Variants in SBNO2 observed in about 807,000 individuals in gnomAD.
SBNO2 encodes the protein strawberry notch homolog 2.
In SBNO2, 89 loss-of-function variants were observed where a neutral mutation model predicts 146.3. That is an observed-to-expected ratio of 0.61 (90% confidence interval 0.51 to 0.73). The LOEUF is 0.73. Among genes scored for constraint, SBNO2 ranks in the 30% least tolerant of loss-of-function variants. SBNO2 has a pLI of 0.00. For missense variants in SBNO2, 2,092 were observed against 2,003.7 expected, an observed-to-expected ratio of 1.04 and a Z score of -0.84; for synonymous variants, 1,147 against 892.6, an observed-to-expected ratio of 1.29 and a Z score of -5.08.
At chr19:1,123,153 A>C in intron 7 of SBNO2, 108 bp from the exon 8 acceptor site, 4 of 1,297,338 alleles carry the variant, frequency 3.1e-6, no homozygotes, top group Non-Finnish European at 4.2e-6. Flanking sequence ...CTGGCGGGGC[A>C]GTTTGGGGGC....
At chr19:1,152,861 C>A (rs1000118111) in intron 2 of SBNO2, among the ~76,000 whole-genome samples, 1 of 152,154 alleles carries the variant, frequency 6.6e-6, no homozygotes, top group Non-Finnish European at 1.5e-5. Context: ...CCAGGTAAAT[C>A]CCCAGGCAGG....
rs2079732154 is a variant in SBNO2 at position 1,109,766 on chromosome 19, C to A, written c.3040G>T (p.Gly1014Cys). The change falls in exon 27 of 32, where the codon GGT (glycine) becomes TGT (cysteine). Residue 1014 changes from glycine (G) to cysteine (C), a missense_variant. Physicochemically the swap from Gly to Cys is radical, Grantham distance 159. Coordinates refer to ENST00000361757, the MANE Select transcript of SBNO2 (RefSeq NM_014963.3). The surrounding 1 kb of genome is among the most constrained non-coding windows in gnomAD (Gnocchi z 4.2). Reference protein sequence around the residue: ...YDMGILDLAPGIEEIYEESQQ... With the variant: ...YDMGILDLAPCIEEIYEESQQ... ...CTCTCCTCGTAGATCTCCTCGATAC[C>A]GGGAGCAAGGTCTAGGGGGGCGGGT... 2 of 1,583,468 alleles carry A rather than the reference C, an allele frequency of 1.3e-6. No homozygotes were observed. The highest frequency in any genetic ancestry group is 8.6e-7 in the Non-Finnish European group (1 of 1,161,246).
intron 3 of SBNO2, among the ~76,000 whole-genome samples, chr19:1,148,193 G>A (rs905520062): frequency 1.3e-5 from 2 of 151,966 alleles, no homozygotes; most frequent in Non-Finnish European, 2.9e-5. Flanking sequence ...GCCTTGGGTT[G>A]GAGGCGGCCC....
Position 1,114,342 on chromosome 19 carries a change from T to C in SBNO2, c.1966A>G (p.Ser656Gly). The C allele has an allele frequency of 6.4e-7, 1 of 1,557,406 alleles. No homozygotes were observed. Among genetic ancestry groups the C allele is most frequent in the East Asian group, 2.4e-5 (1 of 41,370 alleles). ...TCCAGGCCAGGGTCCGACTCCGTGC[T>C]GCTGTCGTCACTGATGCGGATGACG... Reference protein sequence around the residue: ...AGVIRISDDSSTESDPGLDSD... With the variant: ...AGVIRISDDSGTESDPGLDSD... Residue 656 changes from serine to glycine, a missense_variant, in exon 18 of 32, where the codon AGC becomes GGC. Transcript: ENST00000361757.
At chr19:1,169,633 A>T (rs1599890760) in intron 1 of SBNO2, among the ~76,000 whole-genome samples, 1 of 152,202 alleles carries the variant, frequency 6.6e-6, no homozygotes, top group East Asian at 1.9e-4. Flanking sequence ...ACGGGTTGAG[A>T]CAGGACAGCT....
intron 4 of SBNO2, among the ~76,000 whole-genome samples, chr19:1,146,886 A>T (rs1481754102): frequency 6.6e-6 from 1 of 151,714 alleles, no homozygotes; most frequent in Non-Finnish European, 1.5e-5. Context: ...GGAGGTGGAA[A>T]GTTCTGTTCC....
chr19:1,132,721 C>T (rs564066911), intron 4 of SBNO2, among the ~76,000 whole-genome samples: 1 of 152,304 alleles, frequency 6.6e-6, no homozygotes, highest in African/African-American at 2.4e-5. Context: ...AAGCCCCTGC[C>T]GCCGAAGCAA....
chr19:1,146,419 C>G (rs935907680), intron 4 of SBNO2, among the ~76,000 whole-genome samples: 2 of 152,182 alleles, frequency 1.3e-5, no homozygotes, highest in Non-Finnish European at 2.9e-5. Context: ...CACACCTGAC[C>G]GCTTCTCTCT....
intron 2 of SBNO2, among the ~76,000 whole-genome samples, chr19:1,151,689 G>A (rs2080243781): frequency 6.6e-6 from 1 of 152,088 alleles, no homozygotes; most frequent in South Asian, 2.1e-4. Flanking sequence ...TTGAGACGGA[G>A]TCTCACTCTG....
In SBNO2 at chr19:1,147,440, GGGGA is replaced by G; in HGVS notation, c.168-24_168-21del. 2 of 1,241,420 alleles carry G rather than the reference GGGGA, an allele frequency of 1.6e-6. No homozygotes were observed. Among genetic ancestry groups the G allele is most frequent in the Non-Finnish European group, 2.2e-6 (2 of 900,904 alleles). 76.9% of individuals were successfully genotyped at this position (1,241,420 alleles called of 1,614,324 possible). On this transcript the variant is annotated intron_variant, in intron 3 of 31. Coordinates refer to ENST00000361757, the MANE Select transcript of SBNO2 (RefSeq NM_014963.3). ...AACGGGCTGGAGGGAGATGGGGGGGGGGGAGGTGAGATGGGGTGCTCAACCCACT... is the reference window on the plus strand; with the variant it reads ...AACGGGCTGGAGGGAGATGGGGGGGGGGTGAGATGGGGTGCTCAACCCACT...
chr19:1,112,864 T>TCGATGGACAGACCCTGCTCTGC lies in SBNO2; in HGVS notation c.2311_2332dup (p.Asp778GlyfsTer121). On this transcript the variant is annotated frameshift_variant, in exon 20 of 32. Transcript: ENST00000361757. LOFTEE classifies it high-confidence loss of function. This position sits in a 1 kb window ranked among gnomAD's most constrained non-coding sequence, Gnocchi z 5.9. ...CTGCTTCTCCCTGAGGTTCACGTGG[T>TCGATGGACAGACCCTGCTCTGC]CGATGGACAGACCCTGCTCTGCCCG... 6.3e-7 allele frequency: 1 copy of TCGATGGACAGACCCTGCTCTGC among 1,575,882 alleles called. No individual in the cohort carries two copies. The highest frequency in any genetic ancestry group is 8.6e-7 in the Non-Finnish European group (1 of 1,162,432).
At chr19:1,167,262 C>A (rs766970984) in intron 1 of SBNO2, among the ~76,000 whole-genome samples, 1 of 152,266 alleles carries the variant, frequency 6.6e-6, no homozygotes, top group East Asian at 1.9e-4. Flanking sequence ...TTCGCCAGTG[C>A]GGCCTGATCC....
chr19:1,134,543 A>G (rs1240299281), intron 4 of SBNO2, among the ~76,000 whole-genome samples: 2 of 150,170 alleles, frequency 1.3e-5, no homozygotes, highest in African/African-American at 5.0e-5. Flanking sequence ...CGCCAAACAC[A>G]GAAGGCCACG....
At chr19:1,122,594 C>A (rs765035337) in intron 9 of SBNO2, 36 bp from the exon 10 acceptor site, 1 of 1,425,054 alleles carries the variant, frequency 7.0e-7, no homozygotes, top group East Asian at 2.5e-5. Context: ...CCCACCCTTC[C>A]CCCTCGCCCC....
intron 13 of SBNO2, 74 bp downstream of exon 13, chr19:1,119,442 G>T: frequency 8.2e-7 from 1 of 1,214,484 alleles, no homozygotes; most frequent in Non-Finnish European, 1.2e-6. Flanking sequence ...GCAGTGCCAG[G>T]CCTTGGGCTG....
At chr19:1,135,542 A>T (rs535062578) in intron 4 of SBNO2, among the ~76,000 whole-genome samples, 5 of 152,234 alleles carry the variant, frequency 3.3e-5, no homozygotes, top group African/African-American at 1.2e-4. Flanking sequence ...CCGCCTAGGG[A>T]CCTGCTGGGC....
chr19:1,133,415 G>T (rs2080053845), intron 4 of SBNO2, among the ~76,000 whole-genome samples: 1 of 152,150 alleles, frequency 6.6e-6, no homozygotes, highest in Non-Finnish European at 1.5e-5. Flanking sequence ...AGGGGAGAGT[G>T]GGACCAGGGG....
chr19:1,126,145 T>G lies in SBNO2; in HGVS notation c.441+1459A>C, dbSNP rs533698636. Among the ~76,000 whole-genome samples the G allele has an allele frequency of 6.6e-6, 1 of 152,268 alleles. No individual in the cohort carries two copies. Among genetic ancestry groups the G allele is most frequent in the African/African-American group, 2.4e-5 (1 of 41,562 alleles). Reference sequence around the variant, plus strand: ...CAGTGTGTGGGAGCCACCAGGCTAGTGATGCTAATGAACTGAGTCCACAGC... The same window carrying G: ...CAGTGTGTGGGAGCCACCAGGCTAGGGATGCTAATGAACTGAGTCCACAGC... On this transcript the variant is annotated intron_variant, in intron 5 of 31. Coordinates refer to ENST00000361757, the MANE Select transcript of SBNO2 (RefSeq NM_014963.3). This position sits in a 1 kb window ranked among gnomAD's most constrained non-coding sequence, Gnocchi z 4.4.
Position 1,110,041 on chromosome 19 carries a change from G to A in SBNO2, c.3029-264C>T, listed in dbSNP as rs1040813976. On this transcript the variant is annotated intron_variant, in intron 26 of 31. Coordinates refer to ENST00000361757, the MANE Select transcript of SBNO2 (RefSeq NM_014963.3). The surrounding 1 kb of genome is among the most constrained non-coding windows in gnomAD (Gnocchi z 4.9). ...GGCCGCTCAGGTCCTATGTAACCCC[G>A]AGCAGGCTGTGGGGGATCGTGGGAG... 4.1e-5 allele frequency among the ~76,000 whole-genome samples: 6 copies of A among 147,010 alleles called. No individual in the cohort carries two copies. The highest frequency in any genetic ancestry group is 1.5e-4 in the African/African-American group (6 of 39,100).
Sources: allele counts gnomAD v4.1 joint callset (sites outside exome capture counted in the v4.1 genomes callset), GRCh38; gene constraint gnomAD v4.1.1; non-coding constraint Gnocchi (gnomAD v3.1); transcripts MANE v1.5; gene names NCBI Gene and HGNC (gene_info 2026-07-23, HGNC 2026-07-21).